Variants in ZNF608 observed in about 807,000 individuals in gnomAD.
The protein encoded by ZNF608 is zinc finger protein 608.
In ZNF608, 12 loss-of-function variants were observed where a neutral mutation model predicts 109.0. That is an observed-to-expected ratio of 0.11 (90% CI 0.07 to 0.18). The LOEUF is 0.18. Ranked by LOEUF, ZNF608 falls within the 10% of genes least tolerant of loss-of-function variation. The pLI, the probability that ZNF608 is intolerant of heterozygous loss-of-function variation, is 1.00. For missense variants in ZNF608, 1,707 were observed against 1,879.3 expected (o/e 0.91, Z 1.70); for synonymous variants, 732 against 717.4 (o/e 1.02, Z -0.33).
intron 2 of ZNF608, among the ~76,000 whole-genome samples, chr5:124,711,293 T>C (rs1020902255): frequency 6.6e-6 from 1 of 152,222 alleles, no homozygotes; most frequent in African/African-American, 2.4e-5. Context: ...ATTTTATACA[T>C]ATAGAAACAT....
chr5:124,649,897 T>C (rs1268418996), intron 3 of ZNF608, among the ~76,000 whole-genome samples, 200 bp from the exon 4 acceptor site: 2 of 152,266 alleles, frequency 1.3e-5, no homozygotes, highest in African/African-American at 2.4e-5. Context: ...GTGTTGTGCA[T>C]TCGTGCGCGT....
At chr5:124,640,080 C>T (rs1458901306) in intron 8 of ZNF608, among the ~76,000 whole-genome samples, 1 of 152,126 alleles carries the variant, frequency 6.6e-6, no homozygotes, top group African/African-American at 2.4e-5. Context: ...TCTTTTAACA[C>T]TACTAGATGA....
chr5:124,638,356 C>T (rs1750076489), intron 9 of ZNF608, among the ~76,000 whole-genome samples: 1 of 151,664 alleles, frequency 6.6e-6, no homozygotes, highest in African/African-American at 2.4e-5. Context: ...TCCTGGGTTC[C>T]AGCAATTCTC....
intron 3 of ZNF608, among the ~76,000 whole-genome samples, chr5:124,654,888 G>A (rs1190427520): frequency 6.6e-6 from 1 of 152,198 alleles, no homozygotes. Flanking sequence ...CTGAACTTAA[G>A]GCTATTTGTC....
In ZNF608 at chr5:124,710,451, G is replaced by T. The variant is rs981907353; in HGVS notation, c.907-9182C>A. On this transcript the variant is annotated intron_variant, in intron 2 of 9. Coordinates refer to ENST00000513986, the MANE Select transcript of ZNF608 (RefSeq NM_020747.3). ...GAGTCACACTGTATGGGAGCTATGTGGTGTATAAAGCTATGCGGTGAGCTG... is the reference window on the plus strand; with the variant it reads ...GAGTCACACTGTATGGGAGCTATGTTGTGTATAAAGCTATGCGGTGAGCTG... 5.1e-5 allele frequency: 18 copies of T among 350,602 alleles called. No homozygotes were observed. The Admixed American group carries it at 6.8e-4, about 13-fold the overall frequency. 21.7% of individuals were successfully genotyped at this position (350,602 alleles called of 1,614,324 possible). A position where few individuals can be genotyped will look rare whatever the true frequency, so the allele number is the denominator to read the frequency against.
chr5:124,644,507 G>C lies in ZNF608; in HGVS notation c.3860C>G (p.Ser1287Trp), dbSNP rs267600332. 1.2e-6 allele frequency: 2 copies of C among 1,614,036 alleles called. No homozygotes were observed. Among genetic ancestry groups the C allele is most frequent in the Middle Eastern group, 1.6e-4 (1 of 6,062 alleles). Residue 1287 changes from serine (S) to tryptophan (W), a missense_variant, in exon 6 of 10, where the codon TCG (serine) becomes TGG (tryptophan). Ser to Trp is a radical substitution (Grantham distance 177). This residue lies in a region of ZNF608 where 1,073 missense variants were observed against 1,133.5 expected (regional missense o/e 0.95). Transcript: ENST00000513986. ...GGGCTCCTCTTTAATGCTTGTTAAC[G>C]ATACAGGAAGGCTGGGCACACCACT... ...KESGVPSLPV[S>W]LTSIKEEPKE...
chr5:124,679,797 T>C (rs1232506094), intron 3 of ZNF608, among the ~76,000 whole-genome samples: 2 of 152,200 alleles, frequency 1.3e-5, no homozygotes, highest in Non-Finnish European at 1.5e-5. Flanking sequence ...CCACAGAACA[T>C]AGCAGTGTAC....
chr5:124,728,833 G>A (rs372742465), intron 2 of ZNF608, among the ~76,000 whole-genome samples: 15 of 152,084 alleles, frequency 9.9e-5, no homozygotes, highest in African/African-American at 2.2e-4. Flanking sequence ...TAAACAATGC[G>A]GACTTTATCA....
chr5:124,715,270 CA>C (rs558607858), intron 2 of ZNF608, among the ~76,000 whole-genome samples: 9 of 150,560 alleles, frequency 6.0e-5, no homozygotes, highest in Non-Finnish European at 8.9e-5. Context: ...CTTTAACACA[CA>C]AAAAAAAATG....
intron 2 of ZNF608, among the ~76,000 whole-genome samples, chr5:124,739,784 A>G (rs960352596): frequency 7.2e-5 from 11 of 152,218 alleles, no homozygotes; most frequent in Non-Finnish European, 1.2e-4. Flanking sequence ...AAACTGGAGC[A>G]AATCGCAGCC....
At chr5:124,731,964 C>G (rs980707004) in intron 2 of ZNF608, among the ~76,000 whole-genome samples, 1 of 152,122 alleles carries the variant, frequency 6.6e-6, no homozygotes, top group South Asian at 2.1e-4. Context: ...AGCAGTTTGA[C>G]AAAACTGAAA....
chr5:124,718,702 A>G (rs1753797284), intron 2 of ZNF608, among the ~76,000 whole-genome samples: 1 of 152,182 alleles, frequency 6.6e-6, no homozygotes, highest in South Asian at 2.1e-4. Flanking sequence ...TCTCTGTTGA[A>G]TTGGCCCAAG....
intron 3 of ZNF608, among the ~76,000 whole-genome samples, chr5:124,656,148 T>C (rs1250456439): frequency 1.3e-5 from 2 of 152,096 alleles, no homozygotes; most frequent in South Asian, 2.1e-4. Flanking sequence ...ACCCTGAACA[T>C]AGGGCTTTAT....
intron 3 of ZNF608, among the ~76,000 whole-genome samples, chr5:124,690,924 A>AACACACACACACAC (rs35022360): frequency 4.6e-5 from 4 of 86,912 alleles, no homozygotes; most frequent in African/African-American, 1.8e-4. Context: ...GCAACAGAAA[A>AACACACACACACAC]ACACACACAC....
chr5:124,655,708 G>A (rs1022350786), intron 3 of ZNF608, among the ~76,000 whole-genome samples: 3 of 152,114 alleles, frequency 2.0e-5, no homozygotes, highest in African/African-American at 7.2e-5. Flanking sequence ...ATTGTGCAAG[G>A]TATGATTTAT....
Position 124,744,160 on chromosome 5 carries a change from C to T in ZNF608, c.830G>A (p.Gly277Glu). The T allele has an allele frequency of 1.2e-6, 2 of 1,613,454 alleles. No individual in the cohort carries two copies. Among genetic ancestry groups the T allele is most frequent in the Non-Finnish European group, 1.7e-6 (2 of 1,179,936 alleles). Reference protein sequence around the residue: ...SKSAPDSGLMGNSMLVKKEEE... With the variant: ...SKSAPDSGLMENSMLVKKEEE... ...TTCCTTCTTTACCAACATAGAGTTTCCCATGAGCCCTGAATCCGGGGCACT... is the reference window on the plus strand; with the variant it reads ...TTCCTTCTTTACCAACATAGAGTTTTCCATGAGCCCTGAATCCGGGGCACT... The change falls in exon 2 of 10, where the codon GGA becomes GAA. Residue 277 changes from glycine to glutamate, a missense_variant. By Grantham distance (98) the Gly-to-Glu change is moderately conservative (BLOSUM62 -2). Around this residue, in one of 7 missense-constraint regions of ZNF608, gnomAD observed 407 missense variants for 398.7 expected, o/e 1.02. Transcript: ENST00000513986. This position sits in a 1 kb window ranked among gnomAD's most constrained non-coding sequence, Gnocchi z 4.5.
chr5:124,726,114 G>T (rs1754126393), intron 2 of ZNF608, among the ~76,000 whole-genome samples: 1 of 152,144 alleles, frequency 6.6e-6, no homozygotes, highest in African/African-American at 2.4e-5. Context: ...GGCAGCAATT[G>T]ACACAGCTGA....
At position 124,641,261 on chromosome 5, in the gene ZNF608, G is replaced by A. The variant is rs750747871; in HGVS notation, c.4441C>T (p.Pro1481Ser). Residue 1481 changes from proline (P) to serine (S), a missense_variant, in exon 8 of 10, where the codon CCT becomes TCT. Pro to Ser is a moderately conservative substitution (Grantham distance 74). Transcript: ENST00000513986. ...GYPLIPGQYD[P>S]FQGLTSAALV... ...TGATAGAGCTGCTGACCTTGAAAAG[G>A]GTCATATTGACCCGGGATTAGCGGG... 3 of 1,613,638 alleles carry A rather than the reference G, an allele frequency of 1.9e-6. No individual in the cohort carries two copies. Among genetic ancestry groups the A allele is most frequent in the Non-Finnish European group, 2.5e-6 (3 of 1,180,030 alleles).
chr5:124,671,620 T>C (rs550114143), intron 3 of ZNF608, among the ~76,000 whole-genome samples: 2 of 150,726 alleles, frequency 1.3e-5, no homozygotes, highest in Non-Finnish European at 2.9e-5. Context: ...AACAGGCACA[T>C]CATACTGTCC....
Sources: allele counts gnomAD v4.1 joint callset (sites outside exome capture counted in the v4.1 genomes callset), GRCh38; gene constraint gnomAD v4.1.1; regional missense constraint gnomAD v4.1.1; non-coding constraint Gnocchi (gnomAD v3.1); transcripts MANE v1.5; gene names NCBI Gene and HGNC (gene_info 2026-07-23, HGNC 2026-07-21).